The following FLOT2 variants were observed in gnomAD, a reference collection of about 807,000 sequenced individuals.
FLOT2 encodes flotillin-2.
FLOT2 carries 35 observed loss-of-function variants against 54.9 expected under a neutral mutation model. The ratio of observed to expected loss-of-function variants is 0.64; its 90% CI spans 0.49 to 0.84. FLOT2 has a LOEUF of 0.84. Among genes scored for constraint, FLOT2 ranks in the 40% least tolerant of loss-of-function variants. FLOT2 has a pLI of 0.00. For missense variants in FLOT2, 464 were observed against 572.1 expected (o/e 0.81, Z 1.93); for synonymous variants, 207 against 228.9 (o/e 0.90, Z 0.86).
At chr17:28,888,586 C>T (rs1256708306) in intron 2 of FLOT2, among the ~76,000 whole-genome samples, 1 of 152,050 alleles carries the variant, frequency 6.6e-6, no homozygotes. Context: ...CCAAACTGGG[C>T]GTATAATAAA....
rs990661119 is a variant in FLOT2 at position 28,884,831 on chromosome 17, T to C, written c.132-516A>G. Among the ~76,000 whole-genome samples the C allele has an allele frequency of 6.6e-6, 1 of 152,172 alleles. No homozygotes were observed. Among genetic ancestry groups the C allele is most frequent in the African/African-American group, 2.4e-5 (1 of 41,442 alleles). The stretch of plus-strand genomic sequence containing the variant: ...TGGCATCCTGGAGTATGCCTACTGC[T>C]GGGCTAAGATGGAAGTGATTCTGTA... On this transcript the variant is annotated intron_variant, in intron 2 of 10. Coordinates refer to ENST00000394908, the MANE Select transcript of FLOT2 (RefSeq NM_004475.3). The surrounding 1 kb of genome is among the most constrained non-coding windows in gnomAD (Gnocchi z 5.1).
intron 8 of FLOT2, among the ~76,000 whole-genome samples, chr17:28,881,595 C>T (rs1294471450): frequency 6.6e-6 from 1 of 152,254 alleles, no homozygotes; most frequent in Non-Finnish European, 1.5e-5. Flanking sequence ...CCGTCTATGC[C>T]CAAGCACTAC....
rs769600356 is a variant in FLOT2 at position 28,884,193 on chromosome 17, C to CG, written c.222+31dup. 6.6e-7 allele frequency: 1 copy of CG among 1,516,780 alleles called. No homozygotes were observed. The highest frequency in any genetic ancestry group is 2.2e-5 in the East Asian group (1 of 44,454). 94.0% of individuals were successfully genotyped at this position (1,516,780 alleles called of 1,614,324 possible). The stretch of plus-strand genomic sequence containing the variant: ...CCGAGTACGGGACCAGGCAGCTCAA[C>CG]GGACATGCGCAGGGCTGCTGAGTTA... On this transcript the variant is annotated intron_variant, in intron 3 of 10. Coordinates refer to ENST00000394908, the MANE Select transcript of FLOT2 (RefSeq NM_004475.3). The surrounding 1 kb of genome is among the most constrained non-coding windows in gnomAD (Gnocchi z 5.1).
rs377676259 is a variant in FLOT2, at chr17:28,881,988, C to T, written c.740G>A (p.Arg247His). Reference sequence around the variant, plus strand: ...TTCCTGCCGGATCTTCTGCTGTTCACGGGCCCCCTGCAGCTCATAGGCCAA... The same window carrying T: ...TTCCTGCCGGATCTTCTGCTGTTCATGGGCCCCCTGCAGCTCATAGGCCAA... Reference protein sequence around the residue: ...AQLAYELQGAREQQKIRQEEI... With the variant: ...AQLAYELQGAHEQQKIRQEEI... Residue 247 changes from arginine (R) to histidine (H), a missense_variant, in exon 8 of 11, where the codon CGT (arginine) becomes CAT (histidine). Coordinates refer to ENST00000394908, the MANE Select transcript of FLOT2 (RefSeq NM_004475.3). 94 of 1,614,034 alleles carry T rather than the reference C, an allele frequency of 5.8e-5. No homozygotes were observed. Among genetic ancestry groups the T allele is most frequent in the Middle Eastern group, 4.9e-4 (3 of 6,084 alleles).
rs2039475246 is a variant in FLOT2 at position 28,882,634 on chromosome 17, C to T, written c.404G>A (p.Arg135Gln). ...QDRDQFAKLVREVAAPDVGRM... is the reference protein window; with the variant it reads ...QDRDQFAKLVQEVAAPDVGRM... ...GCCAACATCAGGGGCTGCCACCTCCCGCACCAGCTTGGCAAACTGGTCCCG... is the reference window on the plus strand; with the variant it reads ...GCCAACATCAGGGGCTGCCACCTCCTGCACCAGCTTGGCAAACTGGTCCCG... The change falls in exon 5 of 11, where the codon CGG becomes CAG. Residue 135 changes from arginine to glutamine, a missense_variant. Coordinates refer to ENST00000394908, the MANE Select transcript of FLOT2 (RefSeq NM_004475.3). The surrounding 1 kb of genome is among the most constrained non-coding windows in gnomAD (Gnocchi z 5.6). The T allele has an allele frequency of 9.3e-6, 15 of 1,613,756 alleles. No homozygotes were observed. Among genetic ancestry groups the T allele is most frequent in the African/African-American group, 1.3e-5 (1 of 74,918 alleles).
intron 2 of FLOT2, 127 bp downstream of exon 2, chr17:28,888,818 A>ACCC: frequency 1.0e-5 from 3 of 287,444 alleles, no homozygotes; most frequent in Non-Finnish European, 2.2e-5. Context: ...CCACCCCTCC[A>ACCC]CCGCCAGAAT....
rs67825709 is a variant in FLOT2 at position 28,886,059 on chromosome 17, G to GGA, written c.132-1745_132-1744insTC. 4.4e-5 allele frequency: 22 copies of GGA among 502,636 alleles called. 3 individuals are homozygous for GGA. The highest frequency in any genetic ancestry group is 2.6e-4 in the East Asian group (8 of 30,728). The allele number at this position is 502,636 out of a possible 1,614,324, so 31.1% of individuals were successfully genotyped here. A position where few individuals can be genotyped will look rare whatever the true frequency, so the allele number is the denominator to read the frequency against. ...GCACCGATGCCTGACGCCTGGGGGC[G>GGA]GGGGGGGGCATGCTGTCAGTAATCC... On this transcript the variant is annotated intron_variant, in intron 2 of 10. Transcript: ENST00000394908.
rs1167791162 is a variant in FLOT2 at position 28,880,815 on chromosome 17, C to G, written c.1146G>C (p.Val382=). The change falls in exon 10 of 11, where the codon GTG becomes GTC. Residue 382 remains valine, a synonymous_variant. Transcript: ENST00000394908. ...CCTTACTGTTGTCTCCACTGAGGAC[C>G]ACAATCTCATCGACCTTGGTAAGTG... ...AAPLTKVDEI[V]VLSGDNSKVT... is the part of the protein sequence containing the mutation. 1 of 1,614,040 alleles carries G rather than the reference C, an allele frequency of 6.2e-7. No homozygotes were observed. The highest frequency in any genetic ancestry group is 1.3e-5 in the African/African-American group (1 of 74,912).
At chr17:28,885,874 C>T (rs201249913) in intron 2 of FLOT2, 983 of 1,548,504 alleles carry the variant, frequency 6.3e-4, no homozygotes, top group Non-Finnish European at 7.9e-4. Flanking sequence ...ACCCCTGTTA[C>T]GAATAGTGGA....
intron 2 of FLOT2, chr17:28,886,065 G>T: frequency 2.9e-5 from 17 of 596,198 alleles, no homozygotes; most frequent in Admixed American, 4.3e-5. Flanking sequence ...GGGCGGGGGG[G>T]GGCATGCTGT....
At chr17:28,889,127 T>G in intron 1 of FLOT2, 101 bp from the exon 2 acceptor site, 1 of 893,742 alleles carries the variant, frequency 1.1e-6, no homozygotes, top group Non-Finnish European at 1.8e-6. Context: ...CTCTGATACT[T>G]GACAACGCCT....
chr17:28,897,387 G>T lies in FLOT2; in HGVS notation c.49+139C>A. The T allele has an allele frequency of 2.8e-6, 2 of 723,630 alleles. No individual in the cohort carries two copies. The highest frequency in any genetic ancestry group is 3.4e-5 in the East Asian group (1 of 29,576). 44.8% of individuals were successfully genotyped at this position (723,630 alleles called of 1,614,324 possible). A position where few individuals can be genotyped will look rare whatever the true frequency, so the allele number is the denominator to read the frequency against. On this transcript the variant is annotated intron_variant, in intron 1 of 10. Transcript: ENST00000394908. The surrounding 1 kb of genome is among the most constrained non-coding windows in gnomAD (Gnocchi z 4.4). ...CGTGAGCACGAGATCTCTCTTGGAA[G>T]GGGCCTCAGGTGCGGCCCGGGGGCC...
At position 28,879,951 on chromosome 17, in the gene FLOT2, G is replaced by A; in HGVS notation, c.*610C>T. ...GGGTCAGGGAGAAAGGACAGGGTATGAGCGCTGGCTGGGGCCTTGGGTGGA... is the reference window on the plus strand; with the variant it reads ...GGGTCAGGGAGAAAGGACAGGGTATAAGCGCTGGCTGGGGCCTTGGGTGGA... On this transcript the variant is annotated 3_prime_UTR_variant, in exon 11 of 11. Coordinates refer to ENST00000394908, the MANE Select transcript of FLOT2 (RefSeq NM_004475.3). The A allele has an allele frequency of 1.0e-6, 1 of 987,212 alleles. No individual in the cohort carries two copies. The highest frequency in any genetic ancestry group is 1.2e-6 in the Non-Finnish European group (1 of 831,114). 61.2% of individuals were successfully genotyped at this position (987,212 alleles called of 1,614,324 possible).
intron 2 of FLOT2, chr17:28,886,034 G>T: frequency 5.1e-6 from 3 of 593,078 alleles, no homozygotes; most frequent in Non-Finnish European, 6.0e-6. Context: ...TACCAGACAA[G>T]CACCGATGCC....
In FLOT2 at chr17:28,888,941, T is replaced by C. The variant is rs1438362566; in HGVS notation, c.131+4A>G. The C allele has an allele frequency of 7.4e-6, 12 of 1,613,546 alleles. No homozygotes were observed. The highest frequency in any genetic ancestry group is 1.7e-5 in the Admixed American group (1 of 59,988). On this transcript the variant is annotated splice_donor_region_variant and intron_variant, in intron 2 of 10. Coordinates refer to ENST00000394908, the MANE Select transcript of FLOT2 (RefSeq NM_004475.3). The stretch of plus-strand genomic sequence containing the variant: ...GACAGGTCCTAGAGCCCCCAGGTGC[T>C]TACCTCTGAGTGTCGGAGATACACC...
Position 28,897,445 on chromosome 17 carries a change from AGCTCTT to A in FLOT2, c.49+75_49+80del. The A allele has an allele frequency of 7.3e-7, 1 of 1,363,472 alleles. No individual in the cohort carries two copies. Among genetic ancestry groups the A allele is most frequent in the Admixed American group, 2.3e-5 (1 of 43,950 alleles). 84.5% of individuals were successfully genotyped at this position (1,363,472 alleles called of 1,614,324 possible). On this transcript the variant is annotated intron_variant, in intron 1 of 10. Coordinates refer to ENST00000394908, the MANE Select transcript of FLOT2 (RefSeq NM_004475.3). This position sits in a 1 kb window ranked among gnomAD's most constrained non-coding sequence, Gnocchi z 4.4. ...TGCGCCGCGCGGTGGACTCAGGCCC[AGCTCTT>A]CCCCGTGCACTCCCCAGCCCTGCAC...
At chr17:28,881,505 G>T (rs1291829854) in intron 8 of FLOT2, 130 bp from the exon 9 acceptor site, 4 of 990,354 alleles carry the variant, frequency 4.0e-6, no homozygotes, top group Admixed American at 4.7e-5. Flanking sequence ...GGAACGGAGT[G>T]GGGTGGCCTG....
At position 28,884,065 on chromosome 17, in the gene FLOT2, C is replaced by T. The variant is rs569966431; in HGVS notation, c.222+160G>A. On this transcript the variant is annotated intron_variant, in intron 3 of 10. Transcript: ENST00000394908. This position sits in a 1 kb window ranked among gnomAD's most constrained non-coding sequence, Gnocchi z 5.1. Reference sequence around the variant, plus strand: ...CCAAAATGGCCCGGTGAGCATGTTCCAGTGGCGACGACCTGACTAGCCCTC... The same window carrying T: ...CCAAAATGGCCCGGTGAGCATGTTCTAGTGGCGACGACCTGACTAGCCCTC... Among the ~76,000 whole-genome samples, 11 of 152,310 alleles carry T rather than the reference C, an allele frequency of 7.2e-5. No individual in the cohort carries two copies. The highest frequency in any genetic ancestry group is 2.4e-4 in the African/African-American group (10 of 41,576).
Position 28,897,433 on chromosome 17 carries a change from G to T in FLOT2, c.49+93C>A. The T allele has an allele frequency of 8.0e-7, 1 of 1,251,734 alleles. No individual in the cohort carries two copies. Among genetic ancestry groups the T allele is most frequent in the Non-Finnish European group, 1.1e-6 (1 of 904,798 alleles). 77.5% of individuals were successfully genotyped at this position (1,251,734 alleles called of 1,614,324 possible). ...GGGCCAGCGCCCTGCGCCGCGCGGT[G>T]GACTCAGGCCCAGCTCTTCCCCGTG... On this transcript the variant is annotated intron_variant, in intron 1 of 10. Coordinates refer to ENST00000394908, the MANE Select transcript of FLOT2 (RefSeq NM_004475.3). The surrounding 1 kb of genome is among the most constrained non-coding windows in gnomAD (Gnocchi z 4.4).
Sources: gnomAD v4.1 joint callset for allele counts (sites outside exome capture counted in the v4.1 genomes callset) on GRCh38, gnomAD v4.1.1 for gene constraint, Gnocchi (gnomAD v3.1) non-coding constraint, MANE v1.5 for transcripts, NCBI Gene and HGNC (gene_info 2026-07-23, HGNC 2026-07-21) for gene names.